The following NUP98 variants were observed in gnomAD, a reference collection of about 807,000 sequenced individuals.
The protein encoded by NUP98 is nuclear pore complex protein Nup98-Nup96.
NUP98 carries 26 observed loss-of-function variants against 191.9 expected under a neutral mutation model. The observed-to-expected ratio is 0.14, with a 90% CI of 0.10 to 0.19. The LOEUF is 0.19. NUP98 is among the 10% of genes least tolerant of loss of function. The pLI is 1.00. For synonymous variants in NUP98, 808 were observed against 778.4 expected (o/e 1.04, Z -0.63); for missense variants, 1,941 against 2,178.8 (o/e 0.89, Z 2.17).
At chr11:3,756,980 T>G (rs2080980988) in intron 10 of NUP98, among the ~76,000 whole-genome samples, 1 of 151,274 alleles carries the variant, frequency 6.6e-6, no homozygotes, top group Non-Finnish European at 1.5e-5. Flanking sequence ...CCCAGCTACT[T>G]GGGAGGCTGA....
intron 21 of NUP98, 99 bp from the exon 22 acceptor site, chr11:3,705,455 C>A: frequency 8.7e-7 from 1 of 1,155,646 alleles, no homozygotes; most frequent in Admixed American, 1.9e-5. Flanking sequence ...ATTGTTCCTC[C>A]TCAAGGCTGT....
At chr11:3,744,783 G>A (rs1434187031) in intron 11 of NUP98, 134 bp from the exon 12 acceptor site, 19 of 941,408 alleles carry the variant, frequency 2.0e-5, no homozygotes, top group South Asian at 1.3e-4. Context: ...GGGTGAATAC[G>A]GTAAGTGTTA....
rs540518924 is a variant in NUP98 at position 3,699,051 on chromosome 11, G to A, written c.4009+31C>T. The A allele has an allele frequency of 7.2e-5, 115 of 1,606,816 alleles. No individual in the cohort carries two copies. In the South Asian group the frequency reaches 1.2e-3, roughly 17 times the overall value. Reference sequence around the variant, plus strand: ...AGGCAGTGAGTAGGAAGGCGACAGAGGCGCAGAGAAGGACCATATGCCTTC... The same window carrying A: ...AGGCAGTGAGTAGGAAGGCGACAGAAGCGCAGAGAAGGACCATATGCCTTC... On this transcript the variant is annotated intron_variant, in intron 25 of 32. Transcript: ENST00000324932.
intron 32 of NUP98, 21 bp from the exon 33 acceptor site, chr11:3,676,397 C>G: frequency 6.2e-7 from 1 of 1,613,242 alleles, no homozygotes; most frequent in Non-Finnish European, 8.5e-7. Context: ...AAACTAGAGT[C>G]AAGCACTGAG....
Position 3,782,063 on chromosome 11 carries a change from T to G in NUP98, c.55A>C (p.Thr19Pro). 6.2e-7 allele frequency: 1 copy of G among 1,613,146 alleles called. No homozygotes were observed. Among genetic ancestry groups the G allele is most frequent in the Non-Finnish European group, 8.5e-7 (1 of 1,179,532 alleles). ...PFGGGTGGFG[T>P]TSTFGQNTGF... ...TTACTCTGTCCAAATGTTGAAGTTG[T>G]GCCAAAGCCACCTGTGCCACCCCCA... Residue 19 changes from threonine to proline, a missense_variant, in exon 2 of 33, where the codon ACA (threonine) becomes CCA (proline). Around this residue, in one of 6 missense-constraint regions of NUP98, gnomAD observed 154 missense variants for 182.9 expected, o/e 0.84. Coordinates refer to ENST00000324932, the MANE Select transcript of NUP98 (RefSeq NM_016320.5).
chr11:3,738,034 T>A (rs1297212605), intron 12 of NUP98, among the ~76,000 whole-genome samples: 1 of 148,658 alleles, frequency 6.7e-6, no homozygotes, highest in East Asian at 2.0e-4. Flanking sequence ...AACTGACCTG[T>A]CTTAGTTGAT....
intron 11 of NUP98, among the ~76,000 whole-genome samples, chr11:3,748,381 T>C (rs1319194325): frequency 6.6e-6 from 1 of 152,114 alleles, no homozygotes; most frequent in Admixed American, 6.5e-5. Flanking sequence ...CTGGCCAAAA[T>C]GGTGAAACCC....
At chr11:3,733,750 C>T (rs2079933728) in intron 13 of NUP98, among the ~76,000 whole-genome samples, 1 of 152,210 alleles carries the variant, frequency 6.6e-6, no homozygotes, top group East Asian at 1.9e-4. Context: ...TTGATAGACA[C>T]TCTTCTATTA....
At position 3,702,490 on chromosome 11, in the gene NUP98, A is replaced by G. The variant is rs1564821879; in HGVS notation, c.3485T>C (p.Phe1162Ser). Residue 1162 changes from phenylalanine (F) to serine (S), a missense_variant, in exon 23 of 33, where the codon TTC becomes TCC. Transcript: ENST00000324932. ...HQIADSMEFG[F>S]LPNPVAVKPL... ...TTTAACAGCTACTGGATTGGGCAGG[A>G]ATCCAAACTCCATGGAATCGGCAAT... 6.2e-7 allele frequency: 1 copy of G among 1,613,870 alleles called. No individual in the cohort carries two copies. The highest frequency in any genetic ancestry group is 8.5e-7 in the Non-Finnish European group (1 of 1,179,964).
chr11:3,766,596 G>A (rs115295951), intron 8 of NUP98, among the ~76,000 whole-genome samples: 2,782 of 150,612 alleles, frequency 0.018, 95 homozygotes, highest in African/African-American at 0.065. Flanking sequence ...GGCTAACGCC[G>A]GAGAATCCCT....
At chr11:3,752,469 A>C (rs2080798290) in intron 11 of NUP98, among the ~76,000 whole-genome samples, 1 of 152,018 alleles carries the variant, frequency 6.6e-6, no homozygotes, top group Non-Finnish European at 1.5e-5. Flanking sequence ...GTGAGCTGAG[A>C]CTGCACCACT....
At chr11:3,789,181 G>A (rs188488008) in intron 1 of NUP98, among the ~76,000 whole-genome samples, 89 of 152,164 alleles carry the variant, frequency 5.8e-4, no homozygotes, top group Non-Finnish European at 1.2e-3. Flanking sequence ...CTCCTCAAAA[G>A]CAGCATTTTG....
intron 31 of NUP98, 172 bp downstream of exon 31, chr11:3,679,382 G>T (rs984187662): frequency 1.3e-6 from 1 of 797,890 alleles, no homozygotes; most frequent in East Asian, 2.5e-5. Context: ...TTTAAGTTTC[G>T]ATATAGCTGT....
chr11:3,697,477 A>C (rs1467406961), intron 25 of NUP98, among the ~76,000 whole-genome samples: 2 of 152,132 alleles, frequency 1.3e-5, no homozygotes, highest in Non-Finnish European at 2.9e-5. Flanking sequence ...GGATCTGATC[A>C]TATTAGATTA....
At chr11:3,760,442 T>G (rs766619662) in intron 10 of NUP98, 97 bp downstream of exon 10, 7 of 1,537,726 alleles carry the variant, frequency 4.6e-6, no homozygotes, top group Non-Finnish European at 6.3e-6. Flanking sequence ...ACGTGTGGTA[T>G]AGTCAGTGTA....
At chr11:3,737,391 C>T (rs1290833562) in intron 12 of NUP98, among the ~76,000 whole-genome samples, 3 of 150,886 alleles carry the variant, frequency 2.0e-5, no homozygotes, top group African/African-American at 4.9e-5. Context: ...TTTGGGAGGC[C>T]GAGGCAGGCG....
intron 11 of NUP98, 105 bp downstream of exon 11, chr11:3,753,211 T>TA: frequency 2.1e-6 from 2 of 963,656 alleles, no homozygotes; most frequent in South Asian, 2.8e-5. Flanking sequence ...AACGAAAAGG[T>TA]AGACTTCTTA....
chr11:3,758,478 A>G (rs1026134602), intron 10 of NUP98, among the ~76,000 whole-genome samples: 12 of 151,944 alleles, frequency 7.9e-5, no homozygotes, highest in Non-Finnish European at 1.8e-4. Context: ...TTTCCATTTT[A>G]ATTTTATAGG....
intron 27 of NUP98, 119 bp from the exon 28 acceptor site, chr11:3,691,608 C>T: frequency 1.0e-6 from 1 of 952,602 alleles, no homozygotes; most frequent in Non-Finnish European, 1.6e-6. Context: ...GGCTGGAGTG[C>T]AGTGGGACAA....
Sources: gnomAD v4.1 joint callset for allele counts (sites outside exome capture counted in the v4.1 genomes callset) on GRCh38, gnomAD v4.1.1 for gene constraint, gnomAD v4.1.1 regional missense constraint, MANE v1.5 for transcripts, NCBI Gene and HGNC (gene_info 2026-07-23, HGNC 2026-07-21) for gene names.